Variants in TANGO6 observed in about 807,000 individuals in gnomAD.
TANGO6 encodes the protein transport and Golgi organization protein 6 homolog.
A neutral mutation model predicts 114.2 loss-of-function variants in TANGO6; 90 were observed. That is an observed-to-expected ratio of 0.79 (90% confidence interval 0.66 to 0.94). TANGO6 has a LOEUF of 0.94. Ranked by LOEUF, TANGO6 falls within the 40% of genes least tolerant of loss-of-function variation. The pLI, the probability that TANGO6 is intolerant of heterozygous loss-of-function variation, is 0.00. For synonymous variants in TANGO6, 477 were observed against 509.8 expected (o/e 0.94, Z 0.87); for missense variants, 1,274 against 1,315.3 (o/e 0.97, Z 0.49).
chr16:68,927,634 T>TG lies in TANGO6; in HGVS notation c.2194_2195insG (p.Tyr732Ter). Residue 732 changes from tyrosine (Y) to a stop codon, truncating the protein, a stop_gained and frameshift_variant, in exon 13 of 18, where the codon TAC (tyrosine) becomes TGAC (stop). Coordinates refer to ENST00000261778, the MANE Select transcript of TANGO6 (RefSeq NM_024562.2). LOFTEE classifies it high-confidence loss of function. ...LPLLEKVSNT[Y>*]PDPVIQELAV... ...TCTGTTGGAGAAGGTATCCAACACA[T>TG]ACCCTGATCCGGTCATCCAAGAACT... 6.2e-7 allele frequency: 1 copy of TG among 1,614,004 alleles called. No individual in the cohort carries two copies. The highest frequency in any genetic ancestry group is 1.3e-5 in the African/African-American group (1 of 75,050).
intron 17 of TANGO6, among the ~76,000 whole-genome samples, chr16:69,056,003 C>A (rs1597074185): frequency 6.6e-6 from 1 of 151,794 alleles, no homozygotes; most frequent in South Asian, 2.1e-4. Flanking sequence ...CATGCCATTG[C>A]ACTCCACCCT....
rs182612006 is a variant in TANGO6, at chr16:68,906,303, T to G, written c.1668-1140T>G. 2.4e-3 allele frequency among the ~76,000 whole-genome samples: 363 copies of G among 152,336 alleles called. 1 individual carries two copies. Among genetic ancestry groups the G allele is most frequent in the Non-Finnish European group, 3.9e-3 (264 of 68,022 alleles). Reference sequence around the variant, plus strand: ...CATTTTTCTGAACCTTTATGCATTTTCTTATCTCGGCTAATTGGTTCCTTT... The same window carrying G: ...CATTTTTCTGAACCTTTATGCATTTGCTTATCTCGGCTAATTGGTTCCTTT... On this transcript the variant is annotated intron_variant, in intron 9 of 17. Coordinates refer to ENST00000261778, the MANE Select transcript of TANGO6 (RefSeq NM_024562.2).
intron 14 of TANGO6, among the ~76,000 whole-genome samples, chr16:68,945,477 G>A (rs543829289): frequency 6.6e-6 from 1 of 152,238 alleles, no homozygotes; most frequent in South Asian, 2.1e-4. Context: ...TGCGTGCTTT[G>A]TTTCCCTGGC....
chr16:68,985,119 T>C (rs760641150), intron 15 of TANGO6, among the ~76,000 whole-genome samples: 71 of 152,080 alleles, frequency 4.7e-4, no homozygotes, highest in Non-Finnish European at 6.9e-4. Context: ...GTGATCCTCC[T>C]GCCTCGGCCT....
At chr16:69,064,935 A>T (rs1960190637) in intron 17 of TANGO6, among the ~76,000 whole-genome samples, 1 of 152,198 alleles carries the variant, frequency 6.6e-6, no homozygotes, top group Admixed American at 6.6e-5. Context: ...GAGATCTTGA[A>T]GGACTGGAAA....
At chr16:68,898,397 G>T (rs982657048) in intron 7 of TANGO6, among the ~76,000 whole-genome samples, 19 of 152,144 alleles carry the variant, frequency 1.2e-4, no homozygotes, top group Middle Eastern at 3.2e-3. Context: ...TCATGAAAGT[G>T]CCTCCATGAT....
At chr16:69,046,889 A>G (rs1959867408) in intron 17 of TANGO6, among the ~76,000 whole-genome samples, 3 of 151,994 alleles carry the variant, frequency 2.0e-5, no homozygotes, top group African/African-American at 7.2e-5. Context: ...AATATGAGTG[A>G]TTTTAGGCCA....
chr16:69,014,726 C>T (rs1959258531), intron 15 of TANGO6, among the ~76,000 whole-genome samples: 1 of 151,752 alleles, frequency 6.6e-6, no homozygotes, highest in Non-Finnish European at 1.5e-5. Context: ...AAGGCCCAAT[C>T]TCTGTAAAAA....
In TANGO6 at chr16:68,976,750, C is replaced by T. The variant is rs535582252; in HGVS notation, c.2842+2582C>T. 3.9e-5 allele frequency among the ~76,000 whole-genome samples: 6 copies of T among 152,234 alleles called. No homozygotes were observed. The South Asian group carries it at 1.2e-3, about 32-fold the overall frequency. ...CATATTGAATTTTGAGAATGAGGTT[C>T]CGTTTTAGGGCTGTGTTCTTGTCAT... On this transcript the variant is annotated intron_variant, in intron 15 of 17. Coordinates refer to ENST00000261778, the MANE Select transcript of TANGO6 (RefSeq NM_024562.2).
chr16:68,900,708 A>G (rs546320545), intron 8 of TANGO6, among the ~76,000 whole-genome samples, 162 bp downstream of exon 8: 56 of 152,344 alleles, frequency 3.7e-4, no homozygotes, highest in Middle Eastern at 3.4e-3. Context: ...TCTAGAAGAG[A>G]ACAAGAATTT....
At chr16:69,063,948 T>G (rs1319423057) in intron 17 of TANGO6, among the ~76,000 whole-genome samples, 1 of 151,882 alleles carries the variant, frequency 6.6e-6, no homozygotes, top group East Asian at 1.9e-4. Flanking sequence ...GCAATTCCCC[T>G]CCCTCAGCCT....
At chr16:68,882,074 C>T (rs1290763612) in intron 7 of TANGO6, among the ~76,000 whole-genome samples, 1 of 152,058 alleles carries the variant, frequency 6.6e-6, no homozygotes, top group African/African-American at 2.4e-5. Context: ...GCTTTCAAAA[C>T]TGTATTTCAT....
intron 15 of TANGO6, among the ~76,000 whole-genome samples, chr16:68,991,021 G>GA (rs765103607): frequency 2.0e-5 from 3 of 152,220 alleles, no homozygotes; most frequent in African/African-American, 4.8e-5. Context: ...GATAAAGACA[G>GA]AAAAAAGATG....
intron 7 of TANGO6, among the ~76,000 whole-genome samples, chr16:68,893,122 G>A (rs1450388976): frequency 6.6e-6 from 1 of 152,112 alleles, no homozygotes; most frequent in Non-Finnish European, 1.5e-5. Flanking sequence ...TGCATTTTTT[G>A]TTGGAGTGGT....
intron 11 of TANGO6, among the ~76,000 whole-genome samples, chr16:68,911,415 C>CT (rs776375913): frequency 0.014 from 1,855 of 133,600 alleles, 14 homozygotes; most frequent in African/African-American, 0.019. Flanking sequence ...TTTATAGTTT[C>CT]TTTTTTTTTT....
rs1197437568 is a variant in TANGO6, at chr16:68,907,460, A to T, written c.1685A>T (p.Glu562Val). Reference protein sequence around the residue: ...KEAISDEDEDEALYQKVSSEQ... With the variant: ...KEAISDEDEDVALYQKVSSEQ... ...CATTGCAGTGATGAAGATGAAGATG[A>T]AGCCCTGTACCAGAAGGTATCCTCT... is the stretch of plus-strand genomic sequence containing the variant. Residue 562 changes from glutamate to valine, a missense_variant, in exon 10 of 18, where the codon GAA becomes GTA. Transcript: ENST00000261778. The T allele has an allele frequency of 6.2e-7, 1 of 1,602,332 alleles. No individual in the cohort carries two copies. The highest frequency in any genetic ancestry group is 1.8e-5 in the Admixed American group (1 of 55,938).
chr16:68,876,631 G>A (rs1229631425), intron 5 of TANGO6, among the ~76,000 whole-genome samples: 1 of 150,214 alleles, frequency 6.7e-6, no homozygotes, highest in African/African-American at 2.4e-5. Context: ...GACCAGCCTG[G>A]CCAACATGGA....
At chr16:68,944,781 A>G (rs940021153) in intron 14 of TANGO6, among the ~76,000 whole-genome samples, 1 of 152,238 alleles carries the variant, frequency 6.6e-6, no homozygotes, top group Non-Finnish European at 1.5e-5. Context: ...TATAAGGACA[A>G]ATCTCTAAAT....
chr16:68,925,100 C>G (rs1249318681), intron 12 of TANGO6, among the ~76,000 whole-genome samples: 2 of 152,082 alleles, frequency 1.3e-5, no homozygotes, highest in Non-Finnish European at 2.9e-5. Context: ...CACATGAGGT[C>G]AGGAGTTTGA....
Sources: gnomAD v4.1 joint callset for allele counts (sites outside exome capture counted in the v4.1 genomes callset) on GRCh38, gnomAD v4.1.1 for gene constraint, MANE v1.5 for transcripts, NCBI Gene and HGNC (gene_info 2026-07-23, HGNC 2026-07-21) for gene names.